Variants in KDR observed in about 807,000 individuals in gnomAD.
The protein encoded by KDR is vascular endothelial growth factor receptor 2.
Under a neutral mutation model 160.9 loss-of-function variants are expected in KDR, and 43 were observed. That is an observed-to-expected ratio of 0.27 (90% CI 0.21 to 0.34). KDR has a LOEUF of 0.34. Ranked by LOEUF, KDR falls within the 10% of genes least tolerant of loss-of-function variation. The pLI is 1.00. For synonymous variants in KDR, 617 were observed against 600.1 expected (o/e 1.03, Z -0.41); for missense variants, 1,469 against 1,666.4 (o/e 0.88, Z 2.06).
chr4:55,112,523 ATTTTTTT>A (rs72203928), intron 7 of KDR, among the ~76,000 whole-genome samples: 2 of 117,134 alleles, frequency 1.7e-5, no homozygotes, highest in African/African-American at 6.4e-5. Flanking sequence ...TTATACCTTG[ATTTTTTT>A]TTTTTTTTTT....
At chr4:55,097,171 T>TA (rs1578131562) in intron 18 of KDR, among the ~76,000 whole-genome samples, 3 of 152,274 alleles carry the variant, frequency 2.0e-5, no homozygotes, top group African/African-American at 7.2e-5. Flanking sequence ...TTAAAAAATA[T>TA]AACCCATTAT....
At chr4:55,108,429 G>C (rs1002112605) in intron 9 of KDR, among the ~76,000 whole-genome samples, 1 of 152,116 alleles carries the variant, frequency 6.6e-6, no homozygotes, top group African/African-American at 2.4e-5. Context: ...GCCAAGCATT[G>C]TTTGAAGTGC....
intron 6 of KDR, 120 bp from the exon 7 acceptor site, chr4:55,113,601 G>A: frequency 1.2e-6 from 1 of 869,376 alleles, no homozygotes; most frequent in Admixed American, 2.3e-5. Flanking sequence ...TAAAAACAGG[G>A]ACACCAGAAC....
At chr4:55,120,798 G>A (rs750462945) in intron 2 of KDR, among the ~76,000 whole-genome samples, 116 of 151,686 alleles carry the variant, frequency 7.6e-4, no homozygotes, top group Non-Finnish European at 1.3e-3. Flanking sequence ...TCTACTATAC[G>A]CCAGGTGGCT....
Position 55,107,777 on chromosome 4 carries a change from AGTGGAT to A in KDR, c.1366_1371del (p.Ile456_His457del). 1 of 1,613,952 alleles carries A rather than the reference AGTGGAT, an allele frequency of 6.2e-7. No homozygotes were observed. Among genetic ancestry groups the A allele is most frequent in the Non-Finnish European group, 8.5e-7 (1 of 1,179,902 alleles). On this transcript the variant is annotated inframe_deletion, in exon 10 of 30. Transcript: ENST00000263923. The stretch of plus-strand genomic sequence containing the variant: ...CACTCTTCCTCCAACTGCCAATACC[AGTGGAT>A]GTGATGCGGGGGAGGAATGGCATAG...
chr4:55,100,582 G>A (rs1240883755), intron 15 of KDR, among the ~76,000 whole-genome samples: 4 of 152,138 alleles, frequency 2.6e-5, no homozygotes, highest in East Asian at 1.9e-4. Flanking sequence ...CAATCTAGAC[G>A]TCATTCTGCG....
chr4:55,084,378 A>G (rs1719807897), intron 27 of KDR, among the ~76,000 whole-genome samples: 2 of 152,206 alleles, frequency 1.3e-5, no homozygotes, highest in Non-Finnish European at 2.9e-5. Flanking sequence ...GTTTGGAGAC[A>G]TGGGCTCATT....
intron 26 of KDR, 83 bp from the exon 27 acceptor site, chr4:55,087,841 T>G: frequency 7.6e-7 from 1 of 1,316,758 alleles, no homozygotes; most frequent in Admixed American, 1.7e-5. Context: ...GCACAGGGAC[T>G]TCTTGGCTAC....
chr4:55,094,733 G>A, intron 21 of KDR, 69 bp downstream of exon 21: 1 of 1,436,050 alleles, frequency 7.0e-7, no homozygotes, highest in South Asian at 1.2e-5. Flanking sequence ...CAAATTCCTT[G>A]TAACACCCTA....
intron 10 of KDR, 58 bp from the exon 11 acceptor site, chr4:55,106,868 A>C: frequency 7.0e-7 from 1 of 1,421,962 alleles, no homozygotes; most frequent in Non-Finnish European, 9.9e-7. Context: ...ATTAGAGTCA[A>C]GAGTAAGGAA....
intron 1 of KDR, among the ~76,000 whole-genome samples, chr4:55,121,781 A>C (rs1160003091): frequency 6.6e-6 from 1 of 152,192 alleles, no homozygotes; most frequent in Non-Finnish European, 1.5e-5. Context: ...GAAACTGAGG[A>C]AGAGAAAACA....
intron 22 of KDR, among the ~76,000 whole-genome samples, chr4:55,091,336 C>A (rs943140562): frequency 4.6e-5 from 7 of 152,168 alleles, no homozygotes; most frequent in Non-Finnish European, 1.0e-4. Flanking sequence ...CTTTTCCCCC[C>A]AAACAAAAAG....
At chr4:55,109,972 C>T (rs191459743) in intron 9 of KDR, among the ~76,000 whole-genome samples, 1 of 152,302 alleles carries the variant, frequency 6.6e-6, no homozygotes, top group African/African-American at 2.4e-5. Flanking sequence ...TTGGAACGTG[C>T]CTGCACATCT....
intron 15 of KDR, 26 bp downstream of exon 15, chr4:55,101,871 A>T (rs772564996): frequency 6.3e-7 from 1 of 1,592,968 alleles, no homozygotes; most frequent in Non-Finnish European, 8.6e-7. Context: ...GTGTATATGT[A>T]CCACATTTTT....
intron 25 of KDR, 74 bp downstream of exon 25, chr4:55,089,300 A>G (rs1357220934): frequency 2.8e-6 from 3 of 1,067,348 alleles, no homozygotes; most frequent in Non-Finnish European, 4.3e-6. Context: ...AGGTCTATAT[A>G]ATGGAAAGTC....
intron 1 of KDR, among the ~76,000 whole-genome samples, chr4:55,124,643 C>A (rs978448606): frequency 1.3e-5 from 2 of 151,934 alleles, no homozygotes; most frequent in African/African-American, 4.8e-5. Context: ...GCAAGGAGAG[C>A]GGCGTCCTGC....
At chr4:55,090,233 G>C (rs77971159) in intron 22 of KDR, among the ~76,000 whole-genome samples, 155 bp from the exon 23 acceptor site, 1 of 152,134 alleles carries the variant, frequency 6.6e-6, no homozygotes, top group Admixed American at 6.5e-5. Context: ...CAGGAAAAAA[G>C]TCTGTGAGCT....
In KDR at chr4:55,114,864, G is replaced by A. The variant is rs373872343; in HGVS notation, c.658+10C>T. 3.0e-5 allele frequency: 48 copies of A among 1,604,508 alleles called. No individual in the cohort carries two copies. In the African/African-American group the frequency reaches 5.2e-4, roughly 17 times the overall value. On this transcript the variant is annotated intron_variant, in intron 5 of 29. Coordinates refer to ENST00000263923, the MANE Select transcript of KDR (RefSeq NM_002253.4). ...GTTATTAATGATATGGAAAGGAAAT[G>A]TCCTCTTACCTACAACGACAACTAT...
intron 1 of KDR, among the ~76,000 whole-genome samples, chr4:55,121,611 G>A (rs116245354): frequency 0.013 from 1,922 of 152,318 alleles, 22 homozygotes; most frequent in Non-Finnish European, 0.018. Context: ...CACTTAGACG[G>A]ATTTTTATAT....
Sources: allele counts gnomAD v4.1 joint callset (sites outside exome capture counted in the v4.1 genomes callset), GRCh38; gene constraint gnomAD v4.1.1; transcripts MANE v1.5; gene names NCBI Gene and HGNC (gene_info 2026-07-23, HGNC 2026-07-21).